Variants in FZD3 observed in about 807,000 individuals in gnomAD.
The protein encoded by FZD3 is frizzled class receptor 3.
FZD3 carries 30 observed loss-of-function variants against 60.7 expected under a neutral mutation model. The observed-to-expected ratio is 0.49, with a 90% CI of 0.37 to 0.67. FZD3 has a LOEUF of 0.67. FZD3 is among the 30% of genes least tolerant of loss of function. FZD3 has a pLI of 0.00. For missense variants in FZD3, 605 were observed against 838.7 expected (o/e 0.72, Z 3.44); for synonymous variants, 246 against 275.2 (o/e 0.89, Z 1.05).
rs750963269 is a variant in FZD3, at chr8:28,563,003, A to G, written c.1993A>G (p.Ser665Gly). 6.2e-7 allele frequency: 1 copy of G among 1,608,004 alleles called. No homozygotes were observed. The highest frequency in any genetic ancestry group is 8.5e-7 in the Non-Finnish European group (1 of 1,174,376). Reference sequence around the variant, plus strand: ...TCGGGTTATTGAAGAAGATGGAACCAGTGCTTAATTTGTCTTGTCTAAGGT... The same window carrying G: ...TCGGGTTATTGAAGAAGATGGAACCGGTGCTTAATTTGTCTTGTCTAAGGT... ...MNRVIEEDGT[S>G]A The change falls in exon 8 of 8, where the codon AGT (serine) becomes GGT (glycine). Residue 665 changes from serine (S) to glycine (G), a missense_variant. Physicochemically the swap from Ser to Gly is moderately conservative, Grantham distance 56. Coordinates refer to ENST00000240093, the MANE Select transcript of FZD3 (RefSeq NM_017412.4).
At chr8:28,551,782 C>T in intron 6 of FZD3, 31 bp downstream of exon 6, 1 of 1,555,024 alleles carries the variant, frequency 6.4e-7, no homozygotes, top group East Asian at 2.3e-5. Flanking sequence ...ACAGTGTTCA[C>T]AAACCTCACA....
intron 3 of FZD3, among the ~76,000 whole-genome samples, chr8:28,511,556 CTT>C (rs1368002870): frequency 2.0e-5 from 3 of 152,202 alleles, no homozygotes; most frequent in Admixed American, 2.0e-4. Flanking sequence ...GCATAATAGA[CTT>C]TCACAAATTG....
In FZD3 at chr8:28,565,368, T is replaced by C. The variant is rs1805688384; in HGVS notation, c.*2357T>C. The C allele has an allele frequency of 6.6e-6, 1 of 152,206 alleles. No individual in the cohort carries two copies. Among genetic ancestry groups the C allele is most frequent in the Admixed American group, 6.5e-5 (1 of 15,276 alleles). The allele number at this position is 152,206 out of a possible 1,614,324, so 9.4% of individuals were successfully genotyped here. A position where few individuals can be genotyped will look rare whatever the true frequency, so the allele number is the denominator to read the frequency against. On this transcript the variant is annotated 3_prime_UTR_variant, in exon 8 of 8. Transcript: ENST00000240093. Reference sequence around the variant, plus strand: ...TGAAAGCCAAACATATAACAACTTATTTATCAATAATTCATGAAGCTTTTG... The same window carrying C: ...TGAAAGCCAAACATATAACAACTTACTTATCAATAATTCATGAAGCTTTTG...
intron 5 of FZD3, among the ~76,000 whole-genome samples, chr8:28,550,481 C>CTTTTTTTTTTTTTTTTTTTTTTTTT (rs386412443): frequency 2.9e-5 from 1 of 34,336 alleles, no homozygotes; most frequent in Non-Finnish European, 4.7e-5. Flanking sequence ...CTTCTTTTAT[C>CTTTTTTTTTTTTTTTTTTTTTTTTT]TTTTTTTTTT....
At chr8:28,513,538 G>A (rs1804344411) in intron 3 of FZD3, among the ~76,000 whole-genome samples, 1 of 152,084 alleles carries the variant, frequency 6.6e-6, no homozygotes, top group Non-Finnish European at 1.5e-5. Context: ...CAAACCTAAA[G>A]TTTTTTGTTT....
chr8:28,499,133 A>T lies in FZD3; in HGVS notation c.-390-800A>T, dbSNP rs1018946423. Reference sequence around the variant, plus strand: ...GATTTAGCAGAGTTAATTACTTCATACACAAAATAATGTACTATAGGTTCT... The same window carrying T: ...GATTTAGCAGAGTTAATTACTTCATTCACAAAATAATGTACTATAGGTTCT... On this transcript the variant is annotated intron_variant, in intron 1 of 7. Transcript: ENST00000240093. 6.3e-4 allele frequency among the ~76,000 whole-genome samples: 96 copies of T among 152,338 alleles called. 1 individual carries two copies. The highest frequency in any genetic ancestry group is 6.2e-3 in the Admixed American group (95 of 15,310).
chr8:28,522,111 T>C (rs148703244), intron 4 of FZD3, among the ~76,000 whole-genome samples: 39 of 150,054 alleles, frequency 2.6e-4, no homozygotes, highest in Middle Eastern at 3.4e-3. Flanking sequence ...TCTCTTTTTT[T>C]TTTTTTTTTT....
chr8:28,505,864 TAA>T lies in FZD3; in HGVS notation c.189+2663_189+2664del, dbSNP rs1376200868. ...TGAGATTGGGACATGTTTAAATAGA[TAA>T]GTGTCAATCCATTAAGTTAGAAAAG... On this transcript the variant is annotated intron_variant, in intron 3 of 7. Coordinates refer to ENST00000240093, the MANE Select transcript of FZD3 (RefSeq NM_017412.4). 2.0e-5 allele frequency among the ~76,000 whole-genome samples: 3 copies of T among 152,350 alleles called. No homozygotes were observed. In the East Asian group the frequency reaches 5.8e-4, roughly 29 times the overall value.
At chr8:28,521,613 C>G (rs192969411) in intron 4 of FZD3, among the ~76,000 whole-genome samples, 4 of 152,204 alleles carry the variant, frequency 2.6e-5, no homozygotes, top group Admixed American at 2.0e-4. Flanking sequence ...TTCTTTCCCC[C>G]CAAGGAGTGA....
At chr8:28,552,451 G>A (rs1390964726) in intron 6 of FZD3, among the ~76,000 whole-genome samples, 1 of 152,040 alleles carries the variant, frequency 6.6e-6, no homozygotes, top group African/African-American at 2.4e-5. Flanking sequence ...AACAAAACAA[G>A]ACCCTTCAGT....
intron 7 of FZD3, among the ~76,000 whole-genome samples, chr8:28,561,907 T>C (rs941331892): frequency 2.6e-5 from 4 of 152,138 alleles, no homozygotes; most frequent in Non-Finnish European, 4.4e-5. Flanking sequence ...TCATAATTGA[T>C]TTTCCTGACC....
At chr8:28,525,714 G>A (rs996868057) in intron 4 of FZD3, among the ~76,000 whole-genome samples, 6 of 152,136 alleles carry the variant, frequency 3.9e-5, no homozygotes, top group Non-Finnish European at 5.9e-5. Flanking sequence ...AGGCATGATC[G>A]TGAACACAGG....
chr8:28,527,013 T>C lies in FZD3; in HGVS notation c.387-134T>C. ...CCACAAACAAGATATCACCATTTAC[T>C]TTATTTCTACATATTACATTTGCTC... On this transcript the variant is annotated intron_variant, in intron 4 of 7. Transcript: ENST00000240093. This position sits in a 1 kb window ranked among gnomAD's most constrained non-coding sequence, Gnocchi z 5.0. The C allele has an allele frequency of 1.2e-6, 1 of 801,826 alleles. No individual in the cohort carries two copies. The highest frequency in any genetic ancestry group is 2.4e-5 in the Admixed American group (1 of 41,260). The allele number at this position is 801,826 out of a possible 1,614,324, so 49.7% of individuals were successfully genotyped here.
In FZD3 at chr8:28,527,118, A is replaced by T. The variant is rs1563392212; in HGVS notation, c.387-29A>T. The T allele has an allele frequency of 6.4e-7, 1 of 1,568,446 alleles. No homozygotes were observed. Among genetic ancestry groups the T allele is most frequent in the Non-Finnish European group, 8.6e-7 (1 of 1,157,336 alleles). On this transcript the variant is annotated intron_variant, in intron 4 of 7. Coordinates refer to ENST00000240093, the MANE Select transcript of FZD3 (RefSeq NM_017412.4). The surrounding 1 kb of genome is among the most constrained non-coding windows in gnomAD (Gnocchi z 5.0). ...CGTGATAGATTTCCCCATAAGTAAA[A>T]ATAGTTCTCATCTTGTTTTGTTTTT... is the stretch of plus-strand genomic sequence containing the variant.
chr8:28,525,360 A>G (rs1804690123), intron 4 of FZD3, among the ~76,000 whole-genome samples: 1 of 152,198 alleles, frequency 6.6e-6, no homozygotes, highest in African/African-American at 2.4e-5. Flanking sequence ...AATATAGGAG[A>G]GCAGAGGGAT....
chr8:28,557,066 G>A (rs117746305), intron 7 of FZD3, among the ~76,000 whole-genome samples: 4,637 of 152,146 alleles, frequency 0.03, 115 homozygotes, highest in Non-Finnish European at 0.05. Flanking sequence ...TTATATAGCC[G>A]GGTGTTGTGG....
In FZD3 at chr8:28,520,882, G is replaced by A. The variant is rs745923648; in HGVS notation, c.386+48G>A. The stretch of plus-strand genomic sequence containing the variant: ...TGGATCATTTCTTATGTTGCAATAT[G>A]TTTAAAAGTACTTGTCTTCTTTTCC... On this transcript the variant is annotated intron_variant, in intron 4 of 7. Coordinates refer to ENST00000240093, the MANE Select transcript of FZD3 (RefSeq NM_017412.4). 1.9e-5 allele frequency: 23 copies of A among 1,235,968 alleles called. 1 individual carries two copies. The Admixed American group carries it at 3.1e-4, about 17-fold the overall frequency. The allele number at this position is 1,235,968 out of a possible 1,614,324, so 76.6% of individuals were successfully genotyped here. A position where few individuals can be genotyped will look rare whatever the true frequency, so the allele number is the denominator to read the frequency against.
At chr8:28,558,474 A>C (rs930742816) in intron 7 of FZD3, among the ~76,000 whole-genome samples, 2 of 151,370 alleles carry the variant, frequency 1.3e-5, no homozygotes, top group Admixed American at 6.6e-5. Flanking sequence ...TTTGTTGCCC[A>C]GGCTGGAGTG....
chr8:28,546,912 G>A (rs1805307257), intron 5 of FZD3, among the ~76,000 whole-genome samples: 1 of 151,494 alleles, frequency 6.6e-6, no homozygotes, highest in Admixed American at 6.6e-5. Flanking sequence ...GGAGCTTGCA[G>A]TGAGCCGAGA....
Sources: allele counts gnomAD v4.1 joint callset (sites outside exome capture counted in the v4.1 genomes callset), GRCh38; gene constraint gnomAD v4.1.1; non-coding constraint Gnocchi (gnomAD v3.1); transcripts MANE v1.5; gene names NCBI Gene and HGNC (gene_info 2026-07-23, HGNC 2026-07-21).